The following ZNF704 variants were observed in gnomAD, a reference collection of about 807,000 sequenced individuals.
The protein encoded by ZNF704 is glucocorticoid induced gene 1.
Under a neutral mutation model 44.7 loss-of-function variants are expected in ZNF704, and 10 were observed. The ratio of observed to expected loss-of-function variants is 0.22; its 90% CI spans 0.14 to 0.38. The LOEUF is 0.38. Ranked by LOEUF, ZNF704 falls within the 10% of genes least tolerant of loss-of-function variation. The probability of loss-of-function intolerance (pLI) is 1.00; values close to 1 mark genes in which losing one functional copy is unlikely to be tolerated. For synonymous variants in ZNF704, 211 were observed against 207.6 expected, an observed-to-expected ratio of 1.02 and a Z score of -0.14; for missense variants, 390 against 545.5, an observed-to-expected ratio of 0.71 and a Z score of 2.84.
chr8:80,761,292 G>C (rs1255349901), intron 2 of ZNF704, among the ~76,000 whole-genome samples: 1 of 152,170 alleles, frequency 6.6e-6, no homozygotes, highest in Admixed American at 6.5e-5. Context: ...ACTTACCCCA[G>C]TCTCAGCTAT....
chr8:80,653,764 C>T (rs9771722), intron 7 of ZNF704, among the ~76,000 whole-genome samples: 58,113 of 151,974 alleles, frequency 0.38, 13,451 homozygotes, highest in African/African-American at 0.65. Context: ...GGCCATACTG[C>T]CCAAGGTAAT....
chr8:80,799,080 T>C (rs1807856677), intron 2 of ZNF704, among the ~76,000 whole-genome samples: 1 of 152,188 alleles, frequency 6.6e-6, no homozygotes, highest in African/African-American at 2.4e-5. Context: ...AATCCATTGA[T>C]CCATAAATAG....
chr8:80,672,930 A>C (rs1300678384), intron 4 of ZNF704, among the ~76,000 whole-genome samples: 1 of 152,216 alleles, frequency 6.6e-6, no homozygotes, highest in South Asian at 2.1e-4. Flanking sequence ...GAACTTAAAA[A>C]AAAAAAATTT....
chr8:80,775,310 T>C (rs1807393038), intron 2 of ZNF704, among the ~76,000 whole-genome samples: 1 of 152,224 alleles, frequency 6.6e-6, no homozygotes, highest in Admixed American at 6.5e-5. Context: ...TTTGTTTCTT[T>C]CTCTATTTAC....
intron 2 of ZNF704, among the ~76,000 whole-genome samples, chr8:80,754,079 A>G (rs1806994983): frequency 6.6e-6 from 1 of 152,168 alleles, no homozygotes; most frequent in South Asian, 2.1e-4. Flanking sequence ...TGAGCAAAAC[A>G]AACGTCTCTC....
intron 2 of ZNF704, among the ~76,000 whole-genome samples, chr8:80,733,661 C>A (rs927886456): frequency 6.6e-6 from 1 of 152,190 alleles, no homozygotes; most frequent in Non-Finnish European, 1.5e-5. Flanking sequence ...TCCTACAGGG[C>A]TGTCAAAAGC....
intron 2 of ZNF704, among the ~76,000 whole-genome samples, chr8:80,751,477 GTGC>G (rs900729608): frequency 2.6e-5 from 4 of 152,142 alleles, no homozygotes; most frequent in African/African-American, 4.8e-5. Context: ...ACTGTTTCAG[GTGC>G]TGCTATTTAC....
chr8:80,763,718 T>C (rs1807171939), intron 2 of ZNF704, among the ~76,000 whole-genome samples: 1 of 152,210 alleles, frequency 6.6e-6, no homozygotes. Flanking sequence ...AGGCTTGAAT[T>C]TCTCCCCAGA....
rs934212030 is a variant in ZNF704, at chr8:80,687,453, G to C, written c.331C>G (p.Leu111Val). 2.6e-6 allele frequency: 4 copies of C among 1,556,034 alleles called. No individual in the cohort carries two copies. Among genetic ancestry groups the C allele is most frequent in the Non-Finnish European group, 3.5e-6 (4 of 1,152,720 alleles). Residue 111 changes from leucine (L) to valine (V), a missense_variant, in exon 4 of 9, where the codon CTC becomes GTC. By Grantham distance (32) the Leu-to-Val change is conservative. This residue lies in a region of ZNF704 where 305 missense variants were observed against 435.7 expected (regional missense o/e 0.70). Coordinates refer to ENST00000327835, the MANE Select transcript of ZNF704 (RefSeq NM_001033723.3). ...CCGCCCTCCTTCCAGGATCCGCTGA[G>C]GCTCTCTGCATGCACACAAACACAG... ...RSPPVRPNES[L>V]SGSWKEGGCV...
intron 2 of ZNF704, among the ~76,000 whole-genome samples, chr8:80,815,662 A>T (rs115896142): frequency 1.8e-4 from 28 of 152,378 alleles, no homozygotes; most frequent in African/African-American, 6.2e-4. Context: ...ACTTGAGATC[A>T]GAAACCTATC....
chr8:80,666,684 G>A (rs1239101831), intron 5 of ZNF704, among the ~76,000 whole-genome samples: 1 of 151,970 alleles, frequency 6.6e-6, no homozygotes, highest in East Asian at 1.9e-4. Context: ...GTATCTCATT[G>A]TGGTTTTGAT....
rs1418884018 is a variant in ZNF704 at position 80,799,836 on chromosome 8, G to A, written c.221+21538C>T. On this transcript the variant is annotated intron_variant, in intron 2 of 8. Coordinates refer to ENST00000327835, the MANE Select transcript of ZNF704 (RefSeq NM_001033723.3). ...TGAGATGGCTGAATTGACAGAAGTA[G>A]GCTTCAGAAAGCAGGTAATAACAAC... 3.3e-5 allele frequency among the ~76,000 whole-genome samples: 5 copies of A among 152,224 alleles called. No homozygotes were observed. In the South Asian group the frequency reaches 8.3e-4, roughly 25 times the overall value.
chr8:80,859,130 T>C (rs1809015940), intron 1 of ZNF704, among the ~76,000 whole-genome samples: 6 of 152,254 alleles, frequency 3.9e-5, no homozygotes, highest in Admixed American at 3.9e-4. Flanking sequence ...GAAGCTTTCC[T>C]ATGAGATATA....
intron 2 of ZNF704, among the ~76,000 whole-genome samples, chr8:80,789,517 A>T (rs1246279152): frequency 6.6e-6 from 1 of 152,118 alleles, no homozygotes; most frequent in East Asian, 1.9e-4. Context: ...GAGGCCACAG[A>T]GGGAGGATAG....
intron 6 of ZNF704, among the ~76,000 whole-genome samples, chr8:80,663,313 C>T (rs1318440772): frequency 6.7e-6 from 1 of 148,672 alleles, no homozygotes; most frequent in Non-Finnish European, 1.5e-5. Context: ...CCCAGGAGTT[C>T]GAGGCTGCAG....
chr8:80,651,598 A>G (rs1257521823), intron 7 of ZNF704, among the ~76,000 whole-genome samples: 1 of 152,262 alleles, frequency 6.6e-6, no homozygotes, highest in African/African-American at 2.4e-5. Context: ...GAAGGGATCA[A>G]TTCAAGAAGA....
At chr8:80,783,954 ATGTCATATAGTTGG>A (rs1280852217) in intron 2 of ZNF704, among the ~76,000 whole-genome samples, 13 of 152,102 alleles carry the variant, frequency 8.5e-5, no homozygotes, top group African/African-American at 2.7e-4. Flanking sequence ...CCTTTCCAGA[ATGTCATATAGTTGG>A]AATCATACAG....
chr8:80,692,976 T>C, intron 3 of ZNF704, 28 bp downstream of exon 3: 2 of 1,606,782 alleles, frequency 1.2e-6, no homozygotes, highest in Non-Finnish European at 1.7e-6. Flanking sequence ...CAAGGGGCCC[T>C]TCCCTAAGTC....
intron 2 of ZNF704, among the ~76,000 whole-genome samples, chr8:80,811,306 TGA>T (rs1040227846): frequency 1.3e-5 from 2 of 152,378 alleles, no homozygotes; most frequent in East Asian, 1.9e-4. Context: ...TTAAATAATA[TGA>T]GTTATTAAAA....
Sources: gnomAD v4.1 joint callset for allele counts (sites outside exome capture counted in the v4.1 genomes callset) on GRCh38, gnomAD v4.1.1 for gene constraint, gnomAD v4.1.1 regional missense constraint, MANE v1.5 for transcripts, NCBI Gene and HGNC (gene_info 2026-07-23, HGNC 2026-07-21) for gene names.